The following RBFOX1 variants were observed in gnomAD, a reference collection of about 807,000 sequenced individuals.
RBFOX1 encodes the protein RNA binding protein fox-1 homolog 1.
Under a neutral mutation model 57.7 loss-of-function variants are expected in RBFOX1, and 8 were observed. That is an observed-to-expected ratio of 0.14 (90% CI 0.08 to 0.25). The LOEUF is 0.25. Among genes scored for constraint, RBFOX1 ranks in the 10% least tolerant of loss-of-function variants. The pLI, the probability that RBFOX1 is intolerant of heterozygous loss-of-function variation, is 1.00. For missense variants in RBFOX1, 611 were observed against 548.5 expected (o/e 1.11, Z -1.14); for synonymous variants, 326 against 222.4 (o/e 1.47, Z -4.15).
At chr16:5,983,680 T>C (rs1324245780) in intron 4 of RBFOX1, among the ~76,000 whole-genome samples, 2 of 152,164 alleles carry the variant, frequency 1.3e-5, no homozygotes, top group Non-Finnish European at 2.9e-5. Flanking sequence ...TCCATCCTGC[T>C]TGGGGCTTCC....
intron 10 of RBFOX1, among the ~76,000 whole-genome samples, chr16:7,622,621 AT>A (rs58793754): frequency 0.26 from 39,299 of 150,552 alleles, 6,792 homozygotes; most frequent in African/African-American, 0.49. Flanking sequence ...GAAGTGGTGT[AT>A]TTTTTTTTTG....
At chr16:6,407,569 CAG>C (rs71145224) in intron 2 of RBFOX1, among the ~76,000 whole-genome samples, 133 of 25,830 alleles carry the variant, frequency 5.1e-3, no homozygotes, top group African/African-American at 0.027. Context: ...GTGTGTGTGA[CAG>C]AGAGAGAGAG....
At chr16:6,113,624 G>C (rs1453915951) in intron 1 of RBFOX1, among the ~76,000 whole-genome samples, 1 of 152,148 alleles carries the variant, frequency 6.6e-6, no homozygotes. Flanking sequence ...CATGCTCTCT[G>C]TTCCTCACAG....
chr16:5,649,254 C>T lies in RBFOX1; in HGVS notation c.318+50293C>T, dbSNP rs375649258. On this transcript the variant is annotated intron_variant, in intron 3 of 19. Coordinates refer to the RBFOX1 transcript ENST00000641259. The stretch of plus-strand genomic sequence containing the variant: ...CACAATTTTGGCTCACTGCAACCTC[C>T]GCCTCCTGGGTTCAAGCGATTCTCT... Among the ~76,000 whole-genome samples, 7 of 152,082 alleles carry T rather than the reference C, an allele frequency of 4.6e-5. No individual in the cohort carries two copies. The South Asian group carries it at 8.3e-4, about 18-fold the overall frequency.
chr16:6,867,669 C>T (rs2060175578), intron 3 of RBFOX1, among the ~76,000 whole-genome samples: 2 of 151,974 alleles, frequency 1.3e-5, no homozygotes, highest in African/African-American at 2.4e-5. Context: ...CAGTGAGTGC[C>T]GAGATTGCCT....
chr16:5,461,385 G>C (rs912893991), intron 1 of RBFOX1, among the ~76,000 whole-genome samples: 1 of 152,168 alleles, frequency 6.6e-6, no homozygotes, highest in Admixed American at 6.5e-5. Flanking sequence ...TCTAGACTTG[G>C]AGAGGCGAGG....
intron 4 of RBFOX1, among the ~76,000 whole-genome samples, chr16:7,155,790 C>G (rs1481416276): frequency 1.4e-5 from 2 of 142,884 alleles, no homozygotes; most frequent in Admixed American, 7.2e-5. Context: ...CATATATAAT[C>G]ATTCAGCTAT....
intron 1 of RBFOX1, among the ~76,000 whole-genome samples, chr16:6,073,661 A>G (rs546661305): frequency 5.9e-5 from 9 of 152,346 alleles, no homozygotes; most frequent in Admixed American, 1.3e-4. Flanking sequence ...TTTAGAATGC[A>G]TAATCTTCCT....
At chr16:6,336,623 C>A (rs184225429) in intron 2 of RBFOX1, among the ~76,000 whole-genome samples, 5 of 152,240 alleles carry the variant, frequency 3.3e-5, no homozygotes, top group South Asian at 2.1e-4. Flanking sequence ...CCCGGGAGAA[C>A]TTTGCCAGTT....
intron 2 of RBFOX1, among the ~76,000 whole-genome samples, chr16:6,504,108 C>T (rs1374150434): frequency 1.3e-5 from 2 of 152,092 alleles, no homozygotes; most frequent in African/African-American, 4.8e-5. Flanking sequence ...AATGGCAGCC[C>T]AGAGGTAAGG....
At chr16:7,509,186 A>G (rs1219196785) in intron 4 of RBFOX1, among the ~76,000 whole-genome samples, 1 of 152,216 alleles carries the variant, frequency 6.6e-6, no homozygotes, top group East Asian at 1.9e-4. Flanking sequence ...AGGAGAAAGC[A>G]AGACCCCTGT....
chr16:5,613,924 C>CT lies in RBFOX1; in HGVS notation c.318+14978dup, dbSNP rs59357758. Among the ~76,000 whole-genome samples the CT allele has an allele frequency of 9.3e-3, 1,332 of 143,756 alleles. 5 individuals are homozygous for CT. The highest frequency in any genetic ancestry group is 0.015 in the Non-Finnish European group (961 of 65,386). 94.3% of individuals were successfully genotyped at this position (143,756 alleles called of 152,430 possible). On this transcript the variant is annotated intron_variant, in intron 3 of 19. Coordinates refer to the RBFOX1 transcript ENST00000641259. ...TTTCCTCCTGTAGAATTTCCTTGGA[C>CT]TTTTTTTTTTTTTTTATCCTGATGC...
chr16:7,553,799 G>T (rs1196725476), intron 5 of RBFOX1, among the ~76,000 whole-genome samples: 1 of 152,234 alleles, frequency 6.6e-6, no homozygotes, highest in African/African-American at 2.4e-5. Context: ...CAAGGAGGCT[G>T]TTGCTGGAGC....
chr16:6,406,062 G>T (rs1374377100), intron 2 of RBFOX1, among the ~76,000 whole-genome samples: 1 of 152,184 alleles, frequency 6.6e-6, no homozygotes, highest in African/African-American at 2.4e-5. Context: ...TCTCACATAT[G>T]TCCTGGTGGA....
In RBFOX1 at chr16:7,091,175, T is replaced by C. The variant is rs1365571284; in HGVS notation, c.27+39077T>C. On this transcript the variant is annotated intron_variant, in intron 4 of 15. Coordinates refer to ENST00000550418, the MANE Select transcript of RBFOX1 (RefSeq NM_018723.4). ...AAACAAATAACTCTTTCCATTTTATTATTTTTACTCACATTTTCTCATTTA... is the reference window on the plus strand; with the variant it reads ...AAACAAATAACTCTTTCCATTTTATCATTTTTACTCACATTTTCTCATTTA... Among the ~76,000 whole-genome samples, 5 of 152,204 alleles carry C rather than the reference T, an allele frequency of 3.3e-5. No individual in the cohort carries two copies. In the East Asian group the frequency reaches 7.7e-4, roughly 23 times the overall value.
At chr16:6,945,566 T>C (rs1037303720) in intron 3 of RBFOX1, among the ~76,000 whole-genome samples, 2 of 152,250 alleles carry the variant, frequency 1.3e-5, no homozygotes, top group Admixed American at 1.3e-4. Flanking sequence ...GCAACCAGTT[T>C]GCATCTTTGA....
chr16:5,592,331 C>T (rs2047035073), intron 2 of RBFOX1, among the ~76,000 whole-genome samples: 1 of 151,796 alleles, frequency 6.6e-6, no homozygotes, highest in South Asian at 2.1e-4. Flanking sequence ...TATATATGCG[C>T]AGAATTTTAA....
intron 4 of RBFOX1, among the ~76,000 whole-genome samples, chr16:7,160,137 A>C (rs867460257): frequency 1.3e-5 from 2 of 152,124 alleles, no homozygotes; most frequent in Non-Finnish European, 2.9e-5. Context: ...ATAATTTTCA[A>C]TTGTTTCAAA....
intron 4 of RBFOX1, among the ~76,000 whole-genome samples, chr16:7,070,812 C>T (rs986158147): frequency 5.9e-5 from 9 of 152,088 alleles, no homozygotes; most frequent in East Asian, 1.9e-4. Flanking sequence ...TCAGGTGGTG[C>T]GGATTGGGAA....
Sources: gnomAD v4.1 joint callset for allele counts (sites outside exome capture counted in the v4.1 genomes callset) on GRCh38, gnomAD v4.1.1 for gene constraint, MANE v1.5 for transcripts, NCBI Gene and HGNC (gene_info 2026-07-23, HGNC 2026-07-21) for gene names.